Variants in DMXL2 observed in about 807,000 individuals in gnomAD.
DMXL2 encodes the protein dmX-like protein 2.
In DMXL2, 103 loss-of-function variants were observed where a neutral mutation model predicts 331.1. That is an observed-to-expected ratio of 0.31 (90% CI 0.27 to 0.37). The LOEUF (loss-of-function observed/expected upper bound fraction) is 0.37, where lower values mean the gene tolerates loss of function less well. Among genes scored for constraint, DMXL2 ranks in the 10% least tolerant of loss-of-function variants. The pLI is 1.00. For missense variants in DMXL2, 3,171 were observed against 3,642.9 expected, an observed-to-expected ratio of 0.87 and a Z score of 3.33; for synonymous variants, 1,281 against 1,252.1, an observed-to-expected ratio of 1.02 and a Z score of -0.49.
rs185459785 is a variant in DMXL2 at position 51,606,209 on chromosome 15, T to G, written c.87+16250A>C. 3.7e-3 allele frequency among the ~76,000 whole-genome samples: 561 copies of G among 152,254 alleles called. 3 individuals carry two copies. The highest frequency in any genetic ancestry group is 3.9e-3 in the Non-Finnish European group (265 of 68,008). On this transcript the variant is annotated intron_variant, in intron 1 of 43. Coordinates refer to ENST00000560891, the MANE Select transcript of DMXL2 (RefSeq NM_001378457.1). ...TATAGAGATTTTGTATGTGTGTGTG[T>G]GGGGGTGTGGATGTGAGATGGGAGT...
chr15:51,513,714 CT>C (rs1252178825), intron 15 of DMXL2, among the ~76,000 whole-genome samples: 1 of 152,106 alleles, frequency 6.6e-6, no homozygotes, highest in African/African-American at 2.4e-5. Flanking sequence ...TCTGAAAACC[CT>C]TTGTAAACTA....
chr15:51,565,273 A>G (rs2050198174), intron 3 of DMXL2, 107 bp from the exon 4 acceptor site: 1 of 612,818 alleles, frequency 1.6e-6, no homozygotes, highest in Non-Finnish European at 2.6e-6. Flanking sequence ...AGACTTTAAG[A>G]TCTGGAACAA....
In DMXL2 at chr15:51,562,402, C is replaced by T. The variant is rs939504383; in HGVS notation, c.567+979G>A. Among the ~76,000 whole-genome samples, 4 of 151,996 alleles carry T rather than the reference C, an allele frequency of 2.6e-5. No individual in the cohort carries two copies. In the East Asian group the frequency reaches 7.7e-4, roughly 29 times the overall value. On this transcript the variant is annotated intron_variant, in intron 6 of 43. Coordinates refer to ENST00000560891, the MANE Select transcript of DMXL2 (RefSeq NM_001378457.1). Reference sequence around the variant, plus strand: ...TCTTCAGGAACCTATTGGGGGATATCTCCATCAAAACAAGAAAAAAGGAAG... The same window carrying T: ...TCTTCAGGAACCTATTGGGGGATATTTCCATCAAAACAAGAAAAAAGGAAG...
At chr15:51,550,891 C>T (rs1254566727) in intron 6 of DMXL2, among the ~76,000 whole-genome samples, 2 of 151,794 alleles carry the variant, frequency 1.3e-5, no homozygotes. Flanking sequence ...TTTAATTTAC[C>T]ACATTTATAA....
chr15:51,531,427 T>C (rs757393586), intron 13 of DMXL2, among the ~76,000 whole-genome samples: 1 of 152,128 alleles, frequency 6.6e-6, no homozygotes, highest in African/African-American at 2.4e-5. Flanking sequence ...ACTATGAAAC[T>C]ACTACAAGAT....
intron 10 of DMXL2, 60 bp downstream of exon 10, chr15:51,538,153 G>C: frequency 6.5e-7 from 1 of 1,542,996 alleles, no homozygotes; most frequent in Non-Finnish European, 8.7e-7. Flanking sequence ...AAAACTAAAA[G>C]TGGTACCACA....
Position 51,565,109 on chromosome 15 carries a change from T to C in DMXL2, c.343A>G (p.Asn115Asp). 6.4e-7 allele frequency: 1 copy of C among 1,572,454 alleles called. No individual in the cohort carries two copies. Among genetic ancestry groups the C allele is most frequent in the African/African-American group, 1.4e-5 (1 of 73,216 alleles). The change falls in exon 4 of 44, where the codon AAC (asparagine) becomes GAC (aspartate). Residue 115 changes from asparagine (N) to aspartate (D), a missense_variant. By Grantham distance (23) the Asn-to-Asp change is conservative. This residue lies in a region of DMXL2 where 1,674 missense variants were observed against 1,780.2 expected (regional missense o/e 0.94). Coordinates refer to ENST00000560891, the MANE Select transcript of DMXL2 (RefSeq NM_001378457.1). Reference protein sequence around the residue: ...GQFFLSSVTYNLAWDPQDNRL... With the variant: ...GQFFLSSVTYDLAWDPQDNRL... ...ATACCTTGAGGATCCCATGCTAAGTTGTATGTCACAGAACTCAAAAAAAAC... is the reference window on the plus strand; with the variant it reads ...ATACCTTGAGGATCCCATGCTAAGTCGTATGTCACAGAACTCAAAAAAAAC...
chr15:51,607,954 G>A (rs2053702793), intron 1 of DMXL2, among the ~76,000 whole-genome samples: 1 of 152,144 alleles, frequency 6.6e-6, no homozygotes, highest in South Asian at 2.1e-4. Flanking sequence ...TGGAGGCTGA[G>A]GTGGGCAGAC....
intron 1 of DMXL2, among the ~76,000 whole-genome samples, chr15:51,585,666 A>G (rs2051763513): frequency 6.6e-6 from 1 of 152,228 alleles, no homozygotes; most frequent in African/African-American, 2.4e-5. Flanking sequence ...CCCAAGCTGT[A>G]TAAAAGTACC....
At chr15:51,589,584 G>GAGC (rs1282289786) in intron 1 of DMXL2, among the ~76,000 whole-genome samples, 3 of 152,204 alleles carry the variant, frequency 2.0e-5, no homozygotes, top group Non-Finnish European at 2.9e-5. Context: ...GGAGGAAAGA[G>GAGC]AGCAAAACAG....
intron 1 of DMXL2, among the ~76,000 whole-genome samples, chr15:51,596,773 A>G (rs531237225): frequency 8.5e-5 from 13 of 152,226 alleles, no homozygotes; most frequent in African/African-American, 2.4e-4. Flanking sequence ...CCTTTGTAGG[A>G]ACATGGATGA....
chr15:51,619,928 C>G (rs1157411147), intron 1 of DMXL2, among the ~76,000 whole-genome samples: 2 of 152,186 alleles, frequency 1.3e-5, no homozygotes, highest in Non-Finnish European at 2.9e-5. Context: ...GACCTTCATT[C>G]CAAGTCCTGG....
At chr15:51,619,273 T>C (rs900817301) in intron 1 of DMXL2, among the ~76,000 whole-genome samples, 5 of 152,200 alleles carry the variant, frequency 3.3e-5, no homozygotes, top group Admixed American at 6.5e-5. Context: ...ATTTGACTTA[T>C]TGCAGGATAA....
chr15:51,451,313 TTAAAA>T (rs1359542285), intron 42 of DMXL2, among the ~76,000 whole-genome samples: 1 of 152,226 alleles, frequency 6.6e-6, no homozygotes, highest in African/African-American at 2.4e-5. Flanking sequence ...GTTTAATTCT[TTAAAA>T]TATGTTATTT....
chr15:51,556,896 A>C (rs949471909), intron 6 of DMXL2, among the ~76,000 whole-genome samples: 1 of 152,106 alleles, frequency 6.6e-6, no homozygotes, highest in African/African-American at 2.4e-5. Context: ...TCTTTATCTG[A>C]AAAAAAAGTA....
chr15:51,457,601 C>G, intron 36 of DMXL2, 135 bp from the exon 37 acceptor site: 2 of 1,031,190 alleles, frequency 1.9e-6, no homozygotes, highest in South Asian at 1.7e-5. Context: ...AACTTAGGTA[C>G]AAGTCCTAAT....
intron 1 of DMXL2, among the ~76,000 whole-genome samples, chr15:51,591,399 T>C (rs922746954): frequency 2.0e-5 from 3 of 152,118 alleles, no homozygotes; most frequent in Admixed American, 6.5e-5. Context: ...GCGCCCACCA[T>C]TGCCCAGCCT....
intron 6 of DMXL2, among the ~76,000 whole-genome samples, chr15:51,562,598 G>C (rs2050039862): frequency 6.6e-6 from 1 of 151,870 alleles, no homozygotes; most frequent in Admixed American, 6.6e-5. Context: ...CTCCTATGTG[G>C]GATTATACTG....
intron 1 of DMXL2, among the ~76,000 whole-genome samples, chr15:51,609,315 T>A (rs947053059): frequency 1.3e-5 from 2 of 152,220 alleles, no homozygotes; most frequent in Admixed American, 1.3e-4. Flanking sequence ...TAAGTATAAA[T>A]GAAGTGAAAG....
Sources: allele counts gnomAD v4.1 joint callset (sites outside exome capture counted in the v4.1 genomes callset), GRCh38; gene constraint gnomAD v4.1.1; regional missense constraint gnomAD v4.1.1; transcripts MANE v1.5; gene names NCBI Gene and HGNC (gene_info 2026-07-23, HGNC 2026-07-21).